SORCS2: variants seen among roughly 807,000 people sequenced by gnomAD.
SORCS2 encodes the protein VPS10 domain-containing receptor SorCS2.
Under a neutral mutation model 141.6 loss-of-function variants are expected in SORCS2, and 100 were observed. That is an observed-to-expected ratio of 0.71 (90% CI 0.60 to 0.83). The LOEUF (loss-of-function observed/expected upper bound fraction) is 0.83, where lower values mean the gene tolerates loss of function less well. SORCS2 is among the 40% of genes least tolerant of loss of function. The pLI, the probability that SORCS2 is intolerant of heterozygous loss-of-function variation, is 0.00. For synonymous variants in SORCS2, 789 were observed against 676.9 expected, an observed-to-expected ratio of 1.17 and a Z score of -2.57; for missense variants, 1,646 against 1,560.2, an observed-to-expected ratio of 1.05 and a Z score of -0.93.
At chr4:7,503,525 C>T (rs1474466774) in intron 2 of SORCS2, among the ~76,000 whole-genome samples, 1 of 152,122 alleles carries the variant, frequency 6.6e-6, no homozygotes, top group Non-Finnish European at 1.5e-5. Context: ...CAGAGAGAGA[C>T]AGAGGTAGAG....
At position 7,193,665 on chromosome 4, in the gene SORCS2, G is replaced by A. The variant is rs1304533689; in HGVS notation, c.480+539G>A. 6.6e-6 allele frequency among the ~76,000 whole-genome samples: 1 copy of A among 152,176 alleles called. No homozygotes were observed. The highest frequency in any genetic ancestry group is 2.4e-5 in the African/African-American group (1 of 41,440). On this transcript the variant is annotated intron_variant, in intron 1 of 26. Coordinates refer to ENST00000507866, the MANE Select transcript of SORCS2 (RefSeq NM_020777.3). This position sits in a 1 kb window ranked among gnomAD's most constrained non-coding sequence, Gnocchi z 4.8. ...GATTTCTGGGTTACCCCTCTCCCCG[G>A]GGTACTCTAGTGCGACCCGCGGCTG... is the stretch of plus-strand genomic sequence containing the variant.
Position 7,481,797 on chromosome 4 carries a change from A to G in SORCS2, c.549-49733A>G, listed in dbSNP as rs1213091334. Among the ~76,000 whole-genome samples, 5 of 152,072 alleles carry G rather than the reference A, an allele frequency of 3.3e-5. No homozygotes were observed. The East Asian group carries it at 9.6e-4, about 29-fold the overall frequency. On this transcript the variant is annotated intron_variant, in intron 2 of 26. Transcript: ENST00000507866. Reference sequence around the variant, plus strand: ...GAAATGCTGGATGCTGCCAGAACAGAGGAGGGTGTGCCCAGCAACGAGAGA... The same window carrying G: ...GAAATGCTGGATGCTGCCAGAACAGGGGAGGGTGTGCCCAGCAACGAGAGA...
At chr4:7,699,769 C>T (rs1724940422) in intron 12 of SORCS2, among the ~76,000 whole-genome samples, 1 of 152,204 alleles carries the variant, frequency 6.6e-6, no homozygotes, top group Non-Finnish European at 1.5e-5. Flanking sequence ...GCCATGCACG[C>T]GTTCCACTGC....
chr4:7,709,164 G>A lies in SORCS2; in HGVS notation c.1869-3569G>A, dbSNP rs199504462. Among the ~76,000 whole-genome samples the A allele has an allele frequency of 1.1e-4, 16 of 152,300 alleles. No homozygotes were observed. In the East Asian group the frequency reaches 2.7e-3, roughly 26 times the overall value. ...TGTGGGCCTTTCATGTGGTCAAGCCGTTCCTGAGGCCAGAACCCGCAGAGC... is the reference window on the plus strand; with the variant it reads ...TGTGGGCCTTTCATGTGGTCAAGCCATTCCTGAGGCCAGAACCCGCAGAGC... On this transcript the variant is annotated intron_variant, in intron 14 of 26. Transcript: ENST00000507866.
chr4:7,710,888 C>A (rs536870208), intron 14 of SORCS2, among the ~76,000 whole-genome samples: 1 of 152,346 alleles, frequency 6.6e-6, no homozygotes, highest in Non-Finnish European at 1.5e-5. Flanking sequence ...TTTCCCCACT[C>A]CTCTGAGAAA....
chr4:7,295,463 G>T (rs886332591), intron 1 of SORCS2, among the ~76,000 whole-genome samples: 1 of 152,102 alleles, frequency 6.6e-6, no homozygotes, highest in Non-Finnish European at 1.5e-5. Flanking sequence ...TCGGCAATAG[G>T]GTGGGGAGAT....
At chr4:7,245,941 C>T (rs2108798198) in intron 1 of SORCS2, among the ~76,000 whole-genome samples, 1 of 152,294 alleles carries the variant, frequency 6.6e-6, no homozygotes, top group Admixed American at 6.5e-5. Context: ...TGCAATGTTG[C>T]ATGTCACAGA....
chr4:7,537,551 T>G (rs7693352), intron 3 of SORCS2, among the ~76,000 whole-genome samples: 1 of 152,200 alleles, frequency 6.6e-6, no homozygotes, highest in Non-Finnish European at 1.5e-5. Flanking sequence ...TCCAGTCTTA[T>G]AGAGAGCAGA....
intron 1 of SORCS2, among the ~76,000 whole-genome samples, chr4:7,213,897 G>A (rs569448735): frequency 6.6e-6 from 1 of 152,360 alleles, no homozygotes; most frequent in African/African-American, 2.4e-5. Context: ...GGGCTGGGCT[G>A]GAAGCTGGCT....
At chr4:7,261,752 C>G (rs2108823959) in intron 1 of SORCS2, among the ~76,000 whole-genome samples, 1 of 152,322 alleles carries the variant, frequency 6.6e-6, no homozygotes, top group Non-Finnish European at 1.5e-5. Flanking sequence ...CGGGACCGGC[C>G]TTTCCACCAA....
intron 4 of SORCS2, among the ~76,000 whole-genome samples, chr4:7,653,444 T>C (rs1044996105): frequency 6.6e-6 from 1 of 152,092 alleles, no homozygotes; most frequent in Non-Finnish European, 1.5e-5. Context: ...GGTTTCTCCA[T>C]GTTGGTCAGG....
At chr4:7,319,464 G>A (rs777292624) in intron 1 of SORCS2, among the ~76,000 whole-genome samples, 2 of 152,054 alleles carry the variant, frequency 1.3e-5, no homozygotes, top group Non-Finnish European at 2.9e-5. Context: ...TAGCACTTGG[G>A]GAGGCCAAGG....
chr4:7,428,655 C>T (rs974261594), intron 2 of SORCS2, among the ~76,000 whole-genome samples: 21 of 151,930 alleles, frequency 1.4e-4, no homozygotes, highest in Non-Finnish European at 1.5e-5. Context: ...CAAACAAAGG[C>T]CCTGGGGTGG....
intron 3 of SORCS2, among the ~76,000 whole-genome samples, chr4:7,621,890 T>G (rs548518036): frequency 6.8e-4 from 104 of 152,344 alleles, no homozygotes; most frequent in Admixed American, 7.2e-4. Flanking sequence ...GAGAGCCTGC[T>G]GGTGCTGCTG....
intron 3 of SORCS2, among the ~76,000 whole-genome samples, chr4:7,580,630 A>G (rs1457747451): frequency 6.6e-6 from 1 of 152,234 alleles, no homozygotes; most frequent in Non-Finnish European, 1.5e-5. Flanking sequence ...CACTCCAAAA[A>G]CAGTGTTTCA....
chr4:7,459,206 G>T (rs181624066), intron 2 of SORCS2, among the ~76,000 whole-genome samples: 2 of 152,104 alleles, frequency 1.3e-5, no homozygotes, highest in Admixed American at 1.3e-4. Context: ...ACCATGGGAC[G>T]CTGGCGAGTC....
At chr4:7,462,381 G>T (rs972140410) in intron 2 of SORCS2, among the ~76,000 whole-genome samples, 9 of 152,154 alleles carry the variant, frequency 5.9e-5, no homozygotes, top group Admixed American at 2.6e-4. Flanking sequence ...ATCTAAAGAC[G>T]GGCTTCGGGA....
chr4:7,434,229 C>T, intron 2 of SORCS2: 3 of 1,613,656 alleles, frequency 1.9e-6, no homozygotes, highest in African/African-American at 1.3e-5. Flanking sequence ...CCAGGCCAGG[C>T]CCCAAGGACT....
At chr4:7,354,510 C>T (rs1289734044) in intron 1 of SORCS2, among the ~76,000 whole-genome samples, 2 of 152,192 alleles carry the variant, frequency 1.3e-5, no homozygotes, top group Non-Finnish European at 2.9e-5. Flanking sequence ...CGAGTCCCAG[C>T]CCTACTCAGA....
Sources: allele counts gnomAD v4.1 joint callset (sites outside exome capture counted in the v4.1 genomes callset), GRCh38; gene constraint gnomAD v4.1.1; non-coding constraint Gnocchi (gnomAD v3.1); transcripts MANE v1.5; gene names NCBI Gene and HGNC (gene_info 2026-07-23, HGNC 2026-07-21).